The following MARVELD3 variants were observed in gnomAD, a reference collection of about 807,000 sequenced individuals.
The protein encoded by MARVELD3 is MARVEL domain containing 3, also known as MARVEL domain-containing protein 3.
In MARVELD3, 28 loss-of-function variants were observed where a neutral mutation model predicts 33.5. The observed-to-expected ratio is 0.84, with a 90% CI of 0.62 to 1.15. The LOEUF is 1.15. MARVELD3 is among the 50% of genes most tolerant of loss of function. The pLI is 0.00. For missense variants in MARVELD3, 582 were observed against 547.6 expected (o/e 1.06, Z -0.63); for synonymous variants, 241 against 230.4 (o/e 1.05, Z -0.42).
At position 71,634,176 on chromosome 16, in the gene MARVELD3, A is replaced by G; in HGVS notation, c.596-17A>G. 1 of 1,583,640 alleles carries G rather than the reference A, an allele frequency of 6.3e-7. No homozygotes were observed. The highest frequency in any genetic ancestry group is 8.6e-7 in the Non-Finnish European group (1 of 1,163,366). On this transcript the variant is annotated splice_polypyrimidine_tract_variant and intron_variant, in intron 2 of 2. Coordinates refer to ENST00000268485, the MANE Select transcript of MARVELD3 (RefSeq NM_052858.6). ...CAAACAGCATCACTCAAAAATGGTA[A>G]CACCCTTTTTTTGCAGCCTGCTGCC...
chr16:71,629,175 G>A, intron 1 of MARVELD3, 192 bp from the exon 2 acceptor site: 1 of 562,856 alleles, frequency 1.8e-6, no homozygotes, highest in Non-Finnish European at 2.9e-6. Context: ...CGTGGTTAGT[G>A]GAGCTGGGCC....
Position 71,634,189 on chromosome 16 carries a change from G to T in MARVELD3, c.596-4G>T. 6.4e-7 allele frequency: 1 copy of T among 1,574,276 alleles called. No individual in the cohort carries two copies. Among genetic ancestry groups the T allele is most frequent in the Non-Finnish European group, 8.6e-7 (1 of 1,161,954 alleles). On this transcript the variant is annotated splice_polypyrimidine_tract_variant and splice_region_variant and intron_variant, in intron 2 of 2. Coordinates refer to ENST00000268485, the MANE Select transcript of MARVELD3 (RefSeq NM_052858.6). ...TCAAAAATGGTAACACCCTTTTTTTGCAGCCTGCTGCCAAATGCTGGAGGT... is the reference window on the plus strand; with the variant it reads ...TCAAAAATGGTAACACCCTTTTTTTTCAGCCTGCTGCCAAATGCTGGAGGT...
At position 71,634,748 on chromosome 16, in the gene MARVELD3, G is replaced by T. The variant is rs147403444; in HGVS notation, c.1151G>T (p.Gly384Val). The T allele has an allele frequency of 2.0e-5, 32 of 1,610,444 alleles. 1 individual carries two copies. In the African/African-American group the frequency reaches 3.7e-4, roughly 19 times the overall value. Residue 384 changes from glycine to valine, a missense_variant, in exon 3 of 3, where the codon GGC (glycine) becomes GTC (valine). Physicochemically the swap from Gly to Val is moderately radical, Grantham distance 109 (BLOSUM62 -3). Transcript: ENST00000268485. ...FALGAVLAIKGYRKVRKLKEK... is the reference protein window; with the variant it reads ...FALGAVLAIKVYRKVRKLKEK... The stretch of plus-strand genomic sequence containing the variant: ...CTGGGGGCTGTCCTGGCCATAAAGG[G>T]CTACCGAAAAGTTAGGAAGCTAAAA...
intron 2 of MARVELD3, 123 bp from the exon 3 acceptor site, chr16:71,634,070 G>T: frequency 6.8e-7 from 1 of 1,467,912 alleles, no homozygotes; most frequent in Non-Finnish European, 9.1e-7. Context: ...TTTGGCCTCG[G>T]GTCTTCCACA....
downstream of MARVELD3, chr16:71,640,807 A>G (rs903403755): frequency 1.1e-5 from 17 of 1,614,086 alleles, no homozygotes; most frequent in Non-Finnish European, 1.4e-5. Context: ...AAAACAAGAG[A>G]GAGGCTCTAT....
intron 2 of MARVELD3, among the ~76,000 whole-genome samples, chr16:71,630,538 C>T (rs2044523220): frequency 6.7e-6 from 1 of 150,210 alleles, no homozygotes; most frequent in Non-Finnish European, 1.5e-5. Flanking sequence ...GCAGGAGAAT[C>T]GCTTGAACCC....
rs768815256 is a variant in MARVELD3 at position 71,634,507 on chromosome 16, G to A, written c.910G>A (p.Val304Met). 15 of 1,614,070 alleles carry A rather than the reference G, an allele frequency of 9.3e-6. No individual in the cohort carries two copies. Among genetic ancestry groups the A allele is most frequent in the South Asian group, 4.4e-5 (4 of 91,088 alleles). ...CCCGTGGCATTGTCCACTGTTGCTG[G>A]TGACCGAAGGCTTGTTGGACATGCT... ...RVPWHCPLLL[V>M]TEGLLDMLIA... Residue 304 changes from valine (V) to methionine (M), a missense_variant, in exon 3 of 3, where the codon GTG (valine) becomes ATG (methionine). Coordinates refer to ENST00000268485, the MANE Select transcript of MARVELD3 (RefSeq NM_052858.6).
chr16:71,640,505 GAAC>G (rs1298076020), downstream of MARVELD3: 24 of 1,614,108 alleles, frequency 1.5e-5, no homozygotes, highest in Non-Finnish European at 1.9e-5. Context: ...GTGGCTTTGG[GAAC>G]AACTACTACT....
Position 71,635,008 on chromosome 16 carries a change from G to C in MARVELD3, c.*205G>C. The C allele has an allele frequency of 7.6e-7, 1 of 1,310,964 alleles. No homozygotes were observed. Among genetic ancestry groups the C allele is most frequent in the African/African-American group, 1.5e-5 (1 of 67,876 alleles). The allele number at this position is 1,310,964 out of a possible 1,614,324, so 81.2% of individuals were successfully genotyped here. On this transcript the variant is annotated 3_prime_UTR_variant, in exon 3 of 3. Transcript: ENST00000268485. ...GGCTTCTGGAGTCCTCTGTGAGTGA[G>C]GGACCAATCAAAATTATTTTTCAAA...
chr16:71,638,582 TCA>T (rs746094051), downstream of MARVELD3: 16 of 152,262 alleles, frequency 1.1e-4, no homozygotes, highest in African/African-American at 3.1e-4. Flanking sequence ...GTGAAATTTC[TCA>T]GTTTATATCT....
chr16:71,626,555 A>C lies in MARVELD3; in HGVS notation c.326A>C (p.Lys109Thr). The C allele has an allele frequency of 6.5e-7, 1 of 1,548,638 alleles. No homozygotes were observed. The change falls in exon 1 of 3, where the codon AAA becomes ACA. Residue 109 changes from lysine to threonine, a missense_variant. Physicochemically the swap from Lys to Thr is moderately conservative, Grantham distance 78. Coordinates refer to ENST00000268485, the MANE Select transcript of MARVELD3 (RefSeq NM_052858.6). The surrounding 1 kb of genome is among the most constrained non-coding windows in gnomAD (Gnocchi z 5.3). ...GCAGGTGAACACGGAGTTTGGGAAA[A>C]ACCGCGCCAAAGCCGGACGCGGGAC... Reference protein sequence around the residue: ...PRAGEHGVWEKPRQSRTRDGA... With the variant: ...PRAGEHGVWETPRQSRTRDGA...
In MARVELD3 at chr16:71,626,745, C is replaced by T. The variant is rs1223464464; in HGVS notation, c.467+49C>T. 7.3e-7 allele frequency: 1 copy of T among 1,364,128 alleles called. No homozygotes were observed. 84.5% of individuals were successfully genotyped at this position (1,364,128 alleles called of 1,614,324 possible). On this transcript the variant is annotated intron_variant, in intron 1 of 2. Transcript: ENST00000268485. This position sits in a 1 kb window ranked among gnomAD's most constrained non-coding sequence, Gnocchi z 5.3. ...ACCTCCGCGCCGGGGACACCTGTGG[C>T]CCAGGCCGGCCCGCGAGGCCCTGGC... is the stretch of plus-strand genomic sequence containing the variant.
chr16:71,640,372 G>A (rs377608387), downstream of MARVELD3: 184 of 1,610,596 alleles, frequency 1.1e-4, no homozygotes, highest in Non-Finnish European at 1.4e-4. Flanking sequence ...GTTAAAGCCC[G>A]AATCTCTCTT....
At chr16:71,637,974 GC>G (rs2044592611), downstream of MARVELD3, 1 of 152,136 alleles carries the variant, frequency 6.6e-6, no homozygotes, top group Non-Finnish European at 1.5e-5. Flanking sequence ...GGCAGACTTA[GC>G]TTCATTTGTC....
downstream of MARVELD3, chr16:71,640,932 C>A (rs771428755): frequency 1.2e-6 from 2 of 1,614,110 alleles, no homozygotes; most frequent in Admixed American, 1.7e-5. Flanking sequence ...GCTGGCCCTG[C>A]GTAGCTACCG....
In MARVELD3 at chr16:71,634,810, C is replaced by T; in HGVS notation, c.*7C>T. The T allele has an allele frequency of 1.3e-6, 2 of 1,580,170 alleles. No homozygotes were observed. The highest frequency in any genetic ancestry group is 1.7e-6 in the Non-Finnish European group (2 of 1,164,766). On this transcript the variant is annotated 3_prime_UTR_variant, in exon 3 of 3. Transcript: ENST00000268485. ...AGAAATGTTTGAATTTTAAGGGTTT[C>T]TAAAACGCTCTGACAGATGCAAGTG...
At chr16:71,634,135 AAG>A (rs1004314757) in intron 2 of MARVELD3, 56 bp from the exon 3 acceptor site, 2 of 1,551,800 alleles carry the variant, frequency 1.3e-6, no homozygotes, top group East Asian at 2.3e-5. Flanking sequence ...CCTCAGGTGG[AAG>A]AGTCTCCTGG....
Position 71,629,413 on chromosome 16 carries a change from C to G in MARVELD3, c.514C>G (p.Arg172Gly), listed in dbSNP as rs768257715. Reference sequence around the variant, plus strand: ...TCTGCCCTCGACCCCCAGGCCTGGACGAGAGGAGGTGGAATATTACCAGTC... The same window carrying G: ...TCTGCCCTCGACCCCCAGGCCTGGAGGAGAGGAGGTGGAATATTACCAGTC... ...RYLPSTPRPG[R>G]EEVEYYQSEA... Residue 172 changes from arginine (R) to glycine (G), a missense_variant, in exon 2 of 3, where the codon CGA (arginine) becomes GGA (glycine). By Grantham distance (125) the Arg-to-Gly change is moderately radical. Transcript: ENST00000268485. 6 of 1,579,512 alleles carry G rather than the reference C, an allele frequency of 3.8e-6. No homozygotes were observed. In the South Asian group the frequency reaches 7.1e-5, roughly 19 times the overall value.
chr16:71,632,199 G>A (rs963183769), intron 2 of MARVELD3, among the ~76,000 whole-genome samples: 7 of 152,230 alleles, frequency 4.6e-5, no homozygotes, highest in Admixed American at 3.9e-4. Flanking sequence ...GACAAGGAAA[G>A]TGAGGGATTG....
Sources: gnomAD v4.1 joint callset for allele counts (sites outside exome capture counted in the v4.1 genomes callset) on GRCh38, gnomAD v4.1.1 for gene constraint, Gnocchi (gnomAD v3.1) non-coding constraint, MANE v1.5 for transcripts, NCBI Gene and HGNC (gene_info 2026-07-23, HGNC 2026-07-21) for gene names.